The following ZNF717 variants were observed in gnomAD, a reference collection of about 807,000 sequenced individuals.
ZNF717 encodes zinc finger protein 717, also known as krueppel-like factor X17.
A neutral mutation model predicts 13.8 loss-of-function variants in ZNF717; 9 were observed. The ratio of observed to expected loss-of-function variants is 0.65; its 90% CI spans 0.39 to 1.14. The LOEUF (loss-of-function observed/expected upper bound fraction) is 1.14, where lower values mean the gene tolerates loss of function less well. Ranked by LOEUF, ZNF717 falls within the 50% of genes most tolerant of loss-of-function variation. The probability of loss-of-function intolerance (pLI) is 0.01; values close to 1 mark genes in which losing one functional copy is unlikely to be tolerated. For synonymous variants in ZNF717, 327 were observed against 364.1 expected (o/e 0.90, Z 1.16); for missense variants, 1,040 against 1,080.7 (o/e 0.96, Z 0.53).
At chr3:75,769,739 C>T (rs1559672089) in intron 2 of ZNF717, among the ~76,000 whole-genome samples, 1 of 152,078 alleles carries the variant, frequency 6.6e-6, no homozygotes, top group Non-Finnish European at 1.5e-5. Flanking sequence ...TGTTCTTAAC[C>T]AAGAAATCAA....
intron 2 of ZNF717, among the ~76,000 whole-genome samples, chr3:75,777,339 A>G (rs143934712): frequency 0.012 from 1,800 of 151,222 alleles, 11 homozygotes; most frequent in Middle Eastern, 0.034. Context: ...TGCTAAAACC[A>G]GAAACCAAAA....
chr3:75,720,659 A>AT (rs2106860762), intron 4 of ZNF717, among the ~76,000 whole-genome samples: 2 of 152,276 alleles, frequency 1.3e-5, no homozygotes, highest in East Asian at 3.9e-4. Context: ...AAAATGTTTT[A>AT]TTAGTCTAAA....
chr3:75,696,460 A>T (rs79697877), intron 6 of ZNF717, among the ~76,000 whole-genome samples: 1 of 152,308 alleles, frequency 6.6e-6, no homozygotes, highest in South Asian at 2.1e-4. Context: ...GAGAATATTG[A>T]TGCAAAAATT....
In ZNF717 at chr3:75,738,728, T is replaced by C; in HGVS notation, c.895A>G (p.Met299Val). The change falls in exon 5 of 5, where the codon ATG (methionine) becomes GTG (valine). Residue 299 changes from methionine (M) to valine (V), a missense_variant. Coordinates refer to ENST00000652011, the MANE Select transcript of ZNF717 (RefSeq NM_001290208.3). ...TCAGTAGGCATCTTGCACTGTAGCA[T>C]AAGGTCTGATTTGCTAATGGAGGGT... The part of the protein sequence containing the change: ...EKPSISKSDL[M>V]LQCKMPTEEK... 1 of 1,551,900 alleles carries C rather than the reference T, an allele frequency of 6.4e-7. No homozygotes were observed. The highest frequency in any genetic ancestry group is 1.2e-5 in the South Asian group (1 of 84,068).
intron 2 of ZNF717, among the ~76,000 whole-genome samples, chr3:75,773,788 ACC>A (rs1944079880): frequency 7.3e-6 from 1 of 136,648 alleles, no homozygotes. Flanking sequence ...AGTGGCTTAC[ACC>A]TGTAATCCCA....
At chr3:75,719,231 G>A (rs1938122249) in intron 4 of ZNF717, among the ~76,000 whole-genome samples, 2 of 151,240 alleles carry the variant, frequency 1.3e-5, no homozygotes, top group African/African-American at 4.9e-5. Context: ...GGAAGTTGAG[G>A]CTGCAGTGAG....
At position 75,737,899 on chromosome 3, in the gene ZNF717, T is replaced by G. The variant is rs533798223; in HGVS notation, c.1724A>C (p.Lys575Thr). ...TCTCTGATGTATAGTTAGGAATGACTTACAGTGAAAGGATTTTCCACATTC... is the reference window on the plus strand; with the variant it reads ...TCTCTGATGTATAGTTAGGAATGACGTACAGTGAAAGGATTTTCCACATTC... ...CNECGKSFHCKSFLTIHQRTH... is the reference protein window; with the variant it reads ...CNECGKSFHCTSFLTIHQRTH... The change falls in exon 5 of 5, where the codon AAG becomes ACG. Residue 575 changes from lysine (K) to threonine (T), a missense_variant. This residue lies in a region of ZNF717 where 873 missense variants were observed against 832.8 expected (regional missense o/e 1.05). Coordinates refer to ENST00000652011, the MANE Select transcript of ZNF717 (RefSeq NM_001290208.3). 3.0e-4 allele frequency: 457 copies of G among 1,548,068 alleles called. No homozygotes were observed. The African/African-American group carries it at 3.7e-3, about 13-fold the overall frequency.
chr3:75,753,070 T>C (rs878964941), intron 2 of ZNF717, among the ~76,000 whole-genome samples: 1 of 151,956 alleles, frequency 6.6e-6, no homozygotes, highest in Non-Finnish European at 1.5e-5. Context: ...TGAAAGTTTG[T>C]CCCTCACATA....
intron 6 of ZNF717, among the ~76,000 whole-genome samples, chr3:75,701,424 A>G (rs1456702223): frequency 6.6e-6 from 1 of 152,310 alleles, no homozygotes; most frequent in African/African-American, 2.4e-5. Flanking sequence ...TAATCTCACC[A>G]TTTTGGGAAG....
At chr3:75,753,795 A>C (rs1265501274) in intron 2 of ZNF717, among the ~76,000 whole-genome samples, 1 of 86,586 alleles carries the variant, frequency 1.2e-5, no homozygotes, top group Non-Finnish European at 2.4e-5. Flanking sequence ...TTTGTTCCTC[A>C]CATAGGATTC....
At chr3:75,704,681 G>C (rs1304267599), downstream of ZNF717, among the ~76,000 whole-genome samples, 2 of 152,310 alleles carry the variant, frequency 1.3e-5, no homozygotes, top group African/African-American at 2.4e-5. Flanking sequence ...TCCGCTCTCT[G>C]TCCCTCACCT....
At chr3:75,771,581 G>A (rs1943872659) in intron 2 of ZNF717, among the ~76,000 whole-genome samples, 1 of 152,250 alleles carries the variant, frequency 6.6e-6, no homozygotes, top group Non-Finnish European at 1.5e-5. Context: ...GTACAAGCAA[G>A]GCACCTGCAA....
chr3:75,723,394 G>T (rs78141210), intron 4 of ZNF717, among the ~76,000 whole-genome samples: 3 of 151,950 alleles, frequency 2.0e-5, no homozygotes, highest in Admixed American at 6.6e-5. Flanking sequence ...ACTGTGGGCA[G>T]CAAGCCACCC....
chr3:75,776,195 G>GT, intron 2 of ZNF717, among the ~76,000 whole-genome samples: 1 of 152,260 alleles, frequency 6.6e-6, no homozygotes, highest in Admixed American at 6.5e-5. Context: ...GTTATTAAAA[G>GT]TTTTGCATTC....
At chr3:75,708,315 C>CTG (rs1359105246), downstream of ZNF717, among the ~76,000 whole-genome samples, 1 of 152,290 alleles carries the variant, frequency 6.6e-6, no homozygotes, top group Non-Finnish European at 1.5e-5. Flanking sequence ...TCTACAGCCA[C>CTG]TGCTGTTCTG....
intron 2 of ZNF717, among the ~76,000 whole-genome samples, chr3:75,746,138 C>T (rs1186428996): frequency 7.2e-5 from 11 of 152,054 alleles, no homozygotes; most frequent in Admixed American, 7.2e-4. Flanking sequence ...GTTTTTTGTC[C>T]TTGAGACAGT....
intron 6 of ZNF717, among the ~76,000 whole-genome samples, chr3:75,701,671 C>T: frequency 6.6e-6 from 1 of 152,304 alleles, no homozygotes; most frequent in Admixed American, 6.5e-5. Context: ...GCCTGGGCAA[C>T]AGATCAAGAC....
intron 2 of ZNF717, among the ~76,000 whole-genome samples, chr3:75,764,152 T>A (rs1387134839): frequency 6.6e-6 from 1 of 152,180 alleles, no homozygotes; most frequent in Non-Finnish European, 1.5e-5. Context: ...TTATTCCAAA[T>A]AATGAGCTCC....
intron 6 of ZNF717, among the ~76,000 whole-genome samples, chr3:75,698,197 T>A (rs1165550984): frequency 2.6e-5 from 4 of 152,264 alleles, no homozygotes; most frequent in Non-Finnish European, 5.9e-5. Context: ...GGAAGCATAG[T>A]GTAAAAGCTT....
Sources: allele counts gnomAD v4.1 joint callset (sites outside exome capture counted in the v4.1 genomes callset), GRCh38; gene constraint gnomAD v4.1.1; regional missense constraint gnomAD v4.1.1; transcripts MANE v1.5; gene names NCBI Gene and HGNC (gene_info 2026-07-23, HGNC 2026-07-21).